The following CNTNAP4 variants were observed in gnomAD, a reference collection of about 807,000 sequenced individuals.
CNTNAP4 encodes contactin-associated protein-like 4.
In CNTNAP4, 98 loss-of-function variants were observed where a neutral mutation model predicts 148.4. That is an observed-to-expected ratio of 0.66 (90% CI 0.56 to 0.78). CNTNAP4 has a LOEUF of 0.78. CNTNAP4 is among the 30% of genes least tolerant of loss of function. CNTNAP4 has a pLI of 0.00. For synonymous variants in CNTNAP4, 730 were observed against 565.1 expected (o/e 1.29, Z -4.14); for missense variants, 1,935 against 1,565.6 (o/e 1.24, Z -3.98).
chr16:76,481,093 A>G (rs1029966456), intron 12 of CNTNAP4, among the ~76,000 whole-genome samples: 1 of 152,232 alleles, frequency 6.6e-6, no homozygotes, highest in African/African-American at 2.4e-5. Flanking sequence ...AGACTCACTC[A>G]TATATGGATA....
chr16:76,365,023 C>T (rs181148385), intron 3 of CNTNAP4, among the ~76,000 whole-genome samples: 1 of 152,274 alleles, frequency 6.6e-6, no homozygotes, highest in African/African-American at 2.4e-5. Flanking sequence ...ACGTTTAAGT[C>T]TTTAATCCAT....
chr16:76,382,785 C>T (rs964954735), intron 3 of CNTNAP4, among the ~76,000 whole-genome samples: 9 of 152,064 alleles, frequency 5.9e-5, no homozygotes, highest in African/African-American at 2.2e-4. Flanking sequence ...ATCTAGAATT[C>T]CTTGCAGTAA....
At chr16:76,445,862 C>T (rs2049996099) in intron 4 of CNTNAP4, among the ~76,000 whole-genome samples, 1 of 152,080 alleles carries the variant, frequency 6.6e-6, no homozygotes, top group Non-Finnish European at 1.5e-5. Context: ...CCAAATGTGT[C>T]AGCATTTAAA....
chr16:76,543,328 C>G (rs958810083), intron 21 of CNTNAP4, among the ~76,000 whole-genome samples: 1 of 152,074 alleles, frequency 6.6e-6, no homozygotes, highest in Non-Finnish European at 1.5e-5. Flanking sequence ...ATAGTATATC[C>G]TTATATTTTA....
intron 21 of CNTNAP4, among the ~76,000 whole-genome samples, chr16:76,544,530 T>C (rs998029227): frequency 3.9e-5 from 6 of 152,200 alleles, no homozygotes; most frequent in African/African-American, 1.4e-4. Flanking sequence ...TTAATAACTT[T>C]GGCAATAATA....
intron 1 of CNTNAP4, among the ~76,000 whole-genome samples, chr16:76,293,126 C>G (rs905576193): frequency 6.6e-6 from 1 of 151,600 alleles, no homozygotes; most frequent in East Asian, 1.9e-4. Context: ...TTTTTTCTTT[C>G]TTTCTTTTTT....
chr16:76,350,570 T>C (rs1356249198), intron 2 of CNTNAP4, among the ~76,000 whole-genome samples: 1 of 152,188 alleles, frequency 6.6e-6, no homozygotes, highest in Non-Finnish European at 1.5e-5. Context: ...AAAGAGATGC[T>C]GTGTTTTGCG....
chr16:76,284,384 T>C (rs1421776417), intron 1 of CNTNAP4, among the ~76,000 whole-genome samples: 2 of 151,920 alleles, frequency 1.3e-5, no homozygotes, highest in Admixed American at 1.3e-4. Flanking sequence ...CAGTTTGATT[T>C]TGATCACTTT....
chr16:76,526,484 C>T (rs865787059), intron 17 of CNTNAP4, among the ~76,000 whole-genome samples: 43 of 152,246 alleles, frequency 2.8e-4, no homozygotes, highest in Admixed American at 2.6e-4. Context: ...GGCAGGCTAT[C>T]ACAGTGGTCC....
chr16:76,535,654 G>T lies in CNTNAP4; in HGVS notation c.2865G>T (p.Gln955His), dbSNP rs761974147. 1 of 1,614,094 alleles carries T rather than the reference G, an allele frequency of 6.2e-7. No homozygotes were observed. Among genetic ancestry groups the T allele is most frequent in the Admixed American group, 1.7e-5 (1 of 60,020 alleles). The change falls in exon 18 of 24, where the codon CAG becomes CAT. Residue 955 changes from glutamine to histidine, a missense_variant. Transcript: ENST00000611870. ...GAGCCCAGGTGACTCCAGAAGTGCAGCCAGGTTGTAGGGGACATTGCAGCA... is the reference window on the plus strand; with the variant it reads ...GAGCCCAGGTGACTCCAGAAGTGCATCCAGGTTGTAGGGGACATTGCAGCA... ...EERAQVTPEV[Q>H]PGCRGHCSSY...
chr16:76,535,915 T>C, intron 18 of CNTNAP4, 131 bp downstream of exon 18: 1 of 954,078 alleles, frequency 1.0e-6, no homozygotes, highest in East Asian at 2.6e-5. Context: ...AAAGTATCTG[T>C]TGAATGTAAA....
chr16:76,434,645 C>T (rs2079745978), intron 4 of CNTNAP4, among the ~76,000 whole-genome samples: 1 of 152,220 alleles, frequency 6.6e-6, no homozygotes, highest in Non-Finnish European at 1.5e-5. Flanking sequence ...TCTGCAGCCC[C>T]TCCAGGGATG....
chr16:76,469,923 A>G (rs1011134708), intron 10 of CNTNAP4, among the ~76,000 whole-genome samples: 34 of 152,246 alleles, frequency 2.2e-4, no homozygotes, highest in African/African-American at 7.7e-4. Context: ...ATGTATATTT[A>G]GTTTGGTCTT....
chr16:76,385,918 T>G (rs1001308216), intron 3 of CNTNAP4, among the ~76,000 whole-genome samples: 2 of 151,920 alleles, frequency 1.3e-5, no homozygotes, highest in Non-Finnish European at 2.9e-5. Context: ...AGCTCTACGT[T>G]TGGGGCCCAT....
chr16:76,490,205 C>G (rs1359596152), intron 13 of CNTNAP4, among the ~76,000 whole-genome samples: 1 of 152,194 alleles, frequency 6.6e-6, no homozygotes, highest in African/African-American at 2.4e-5. Flanking sequence ...TGATAAAGGG[C>G]AAGTGACACA....
At chr16:76,498,789 T>G in intron 15 of CNTNAP4, 95 bp downstream of exon 15, 1 of 1,213,124 alleles carries the variant, frequency 8.2e-7, no homozygotes, top group African/African-American at 1.5e-5. Flanking sequence ...ATATAATAAC[T>G]AATCAGACTT....
intron 2 of CNTNAP4, among the ~76,000 whole-genome samples, chr16:76,331,864 A>G (rs1481685566): frequency 6.6e-6 from 1 of 152,172 alleles, no homozygotes; most frequent in African/African-American, 2.4e-5. Context: ...CTTTCTGTCC[A>G]AAGGACTCCC....
chr16:76,323,616 A>G (rs1286352119), intron 2 of CNTNAP4, among the ~76,000 whole-genome samples: 3 of 152,170 alleles, frequency 2.0e-5, no homozygotes, highest in Non-Finnish European at 4.4e-5. Flanking sequence ...AACACCATAG[A>G]TGACTGTCCA....
chr16:76,314,439 T>C (rs1961484191), intron 1 of CNTNAP4, among the ~76,000 whole-genome samples: 1 of 152,202 alleles, frequency 6.6e-6, no homozygotes, highest in Non-Finnish European at 1.5e-5. Context: ...GTACAAATAC[T>C]TGTGTGTATA....
Sources: gnomAD v4.1 joint callset for allele counts (sites outside exome capture counted in the v4.1 genomes callset) on GRCh38, gnomAD v4.1.1 for gene constraint, MANE v1.5 for transcripts, NCBI Gene and HGNC (gene_info 2026-07-23, HGNC 2026-07-21) for gene names.